Variants in DOCK4 observed in about 807,000 individuals in gnomAD.
DOCK4 encodes dedicator of cytokinesis protein 4.
DOCK4 carries 97 observed loss-of-function variants against 268.1 expected under a neutral mutation model. The ratio of observed to expected loss-of-function variants is 0.36; its 90% CI spans 0.31 to 0.43. DOCK4 has a LOEUF of 0.43. Among genes scored for constraint, DOCK4 ranks in the 20% least tolerant of loss-of-function variants. The pLI, the probability that DOCK4 is intolerant of heterozygous loss-of-function variation, is 1.00. For missense variants in DOCK4, 2,145 were observed against 2,455.7 expected (o/e 0.87, Z 2.67); for synonymous variants, 954 against 887.2 (o/e 1.08, Z -1.34).
intron 3 of DOCK4, among the ~76,000 whole-genome samples, chr7:111,999,688 G>A (rs1800267888): frequency 1.3e-5 from 2 of 151,246 alleles, no homozygotes; most frequent in Non-Finnish European, 1.5e-5. Context: ...GAATGATCCA[G>A]AAAATGGCAT....
intron 1 of DOCK4, among the ~76,000 whole-genome samples, chr7:112,149,598 A>C (rs1047105780): frequency 7.3e-5 from 11 of 151,502 alleles, no homozygotes; most frequent in Middle Eastern, 3.4e-3. Context: ...CTATCAAAGA[A>C]GAGAAGATCA....
chr7:111,930,479 C>A (rs927803032), intron 12 of DOCK4, among the ~76,000 whole-genome samples: 1 of 152,076 alleles, frequency 6.6e-6, no homozygotes, highest in Non-Finnish European at 1.5e-5. Context: ...TTCAAAGTTG[C>A]GTTTTTTTCT....
intron 1 of DOCK4, among the ~76,000 whole-genome samples, chr7:112,112,955 G>GA (rs1247149431): frequency 6.6e-6 from 1 of 152,160 alleles, no homozygotes; most frequent in Non-Finnish European, 1.5e-5. Context: ...CTGTTGTTGT[G>GA]AAACAGCTGA....
At chr7:112,118,351 A>G (rs1419721874) in intron 1 of DOCK4, among the ~76,000 whole-genome samples, 1 of 152,168 alleles carries the variant, frequency 6.6e-6, no homozygotes, top group Non-Finnish European at 1.5e-5. Context: ...ACAAGATTTA[A>G]TTGAACTGCT....
intron 1 of DOCK4, among the ~76,000 whole-genome samples, chr7:112,061,397 T>C (rs1472271052): frequency 2.0e-5 from 3 of 152,142 alleles, no homozygotes; most frequent in African/African-American, 7.2e-5. Context: ...GACAGCCACA[T>C]TAAGAAGACT....
At chr7:111,831,187 C>A (rs1034999224) in intron 26 of DOCK4, among the ~76,000 whole-genome samples, 3 of 152,138 alleles carry the variant, frequency 2.0e-5, no homozygotes, top group Non-Finnish European at 4.4e-5. Context: ...GCTCCCAAAC[C>A]TGAATACCTA....
At chr7:112,109,347 G>A (rs891260151) in intron 1 of DOCK4, among the ~76,000 whole-genome samples, 4 of 152,140 alleles carry the variant, frequency 2.6e-5, no homozygotes, top group African/African-American at 7.2e-5. Context: ...TAGGTTTCCA[G>A]AGGACATAGA....
At chr7:112,075,215 T>C (rs1807952968) in intron 1 of DOCK4, among the ~76,000 whole-genome samples, 1 of 152,160 alleles carries the variant, frequency 6.6e-6, no homozygotes, top group Non-Finnish European at 1.5e-5. Context: ...AAAGAAGGTA[T>C]TCACCCAGGA....
At chr7:112,027,477 G>C (rs1434652415) in intron 1 of DOCK4, among the ~76,000 whole-genome samples, 1 of 152,026 alleles carries the variant, frequency 6.6e-6, no homozygotes, top group Non-Finnish European at 1.5e-5. Context: ...CACCTGCCTC[G>C]GCCTCCCAAA....
At chr7:112,177,205 T>C (rs897249921) in intron 1 of DOCK4, among the ~76,000 whole-genome samples, 7 of 152,208 alleles carry the variant, frequency 4.6e-5, no homozygotes, top group South Asian at 4.1e-4. Flanking sequence ...AGAGTTAAAT[T>C]GCAGGAATCA....
At position 112,011,157 on chromosome 7, in the gene DOCK4, T is replaced by C. The variant is rs574418318; in HGVS notation, c.38-7026A>G. On this transcript the variant is annotated intron_variant, in intron 1 of 52. Transcript: ENST00000428084. ...CCTTGGCACTACAACTTGGTATAACTCTGCAGGGCCATTCCCACTTAACTG... is the reference window on the plus strand; with the variant it reads ...CCTTGGCACTACAACTTGGTATAACCCTGCAGGGCCATTCCCACTTAACTG... Among the ~76,000 whole-genome samples, 6 of 152,332 alleles carry C rather than the reference T, an allele frequency of 3.9e-5. 1 individual carries two copies. The East Asian group carries it at 1.2e-3, about 29-fold the overall frequency.
At chr7:112,144,023 T>A (rs1013196623) in intron 1 of DOCK4, among the ~76,000 whole-genome samples, 6 of 152,186 alleles carry the variant, frequency 3.9e-5, no homozygotes, top group Non-Finnish European at 7.4e-5. Context: ...GGAAAGAGTA[T>A]GGGGCTTGGT....
chr7:112,071,337 G>A (rs1277884818), intron 1 of DOCK4, among the ~76,000 whole-genome samples: 1 of 151,704 alleles, frequency 6.6e-6, no homozygotes, highest in Non-Finnish European at 1.5e-5. Flanking sequence ...TTATCTTTCA[G>A]ACTTTTCCCT....
chr7:111,864,057 T>C (rs1223646348), intron 22 of DOCK4, among the ~76,000 whole-genome samples: 4 of 152,164 alleles, frequency 2.6e-5, no homozygotes, highest in Admixed American at 1.3e-4. Flanking sequence ...TTACACATAG[T>C]ATTAGCTTTG....
intron 6 of DOCK4, among the ~76,000 whole-genome samples, chr7:111,985,874 G>A (rs60149077): frequency 9.2e-5 from 14 of 152,268 alleles, no homozygotes; most frequent in East Asian, 1.9e-4. Context: ...GAGAACCACC[G>A]TACTACAGTG....
rs879845496 is a variant in DOCK4 at position 112,165,565 on chromosome 7, T to C, written c.37+40537A>G. Among the ~76,000 whole-genome samples, 1,002 of 140,126 alleles carry C rather than the reference T, an allele frequency of 7.2e-3. 7 individuals are homozygous for C. The highest frequency in any genetic ancestry group is 0.014 in the South Asian group (61 of 4,212). 91.9% of individuals were successfully genotyped at this position (140,126 alleles called of 152,430 possible). A position where few individuals can be genotyped will look rare whatever the true frequency, so the allele number is the denominator to read the frequency against. On this transcript the variant is annotated intron_variant, in intron 1 of 52. Coordinates refer to ENST00000428084, the MANE Select transcript of DOCK4 (RefSeq NM_001363540.2). ...GTGTGTGTGTGTGTGTGTGTGCGTG[T>C]GTGTGTGTATCCCATTTCTTTGGAC...
intron 1 of DOCK4, among the ~76,000 whole-genome samples, chr7:112,192,605 C>T (rs1463060367): frequency 3.9e-5 from 6 of 152,158 alleles, no homozygotes; most frequent in Non-Finnish European, 7.3e-5. Flanking sequence ...ATCTGTGATA[C>T]TTTATGTACT....
intron 1 of DOCK4, among the ~76,000 whole-genome samples, chr7:112,170,186 A>G (rs1817962289): frequency 6.6e-6 from 1 of 152,178 alleles, no homozygotes; most frequent in Non-Finnish European, 1.5e-5. Flanking sequence ...GGGCACAGTG[A>G]CCACCGGTAA....
In DOCK4 at chr7:111,732,299, G is replaced by T. The variant is rs371155254; in HGVS notation, c.5420-12C>A. 6.2e-6 allele frequency: 10 copies of T among 1,613,656 alleles called. No individual in the cohort carries two copies. The African/African-American group carries it at 1.3e-4, about 22-fold the overall frequency. ...TCTTGCTGGTGAAGCTGTCAATGGG[G>T]AGAGAGATAACATTTCAATTAAGAA... On this transcript the variant is annotated splice_polypyrimidine_tract_variant and intron_variant, in intron 51 of 52. Coordinates refer to ENST00000428084, the MANE Select transcript of DOCK4 (RefSeq NM_001363540.2).
Sources: gnomAD v4.1 joint callset for allele counts (sites outside exome capture counted in the v4.1 genomes callset) on GRCh38, gnomAD v4.1.1 for gene constraint, MANE v1.5 for transcripts, NCBI Gene and HGNC (gene_info 2026-07-23, HGNC 2026-07-21) for gene names.